PDE8B: variants seen among roughly 807,000 people sequenced by gnomAD.
PDE8B encodes high affinity cAMP-specific and IBMX-insensitive 3',5'-cyclic phosphodiesterase 8B.
In PDE8B, 26 loss-of-function variants were observed where a neutral mutation model predicts 101.3. That is an observed-to-expected ratio of 0.26 (90% CI 0.19 to 0.36). PDE8B has a LOEUF of 0.36. Among genes scored for constraint, PDE8B ranks in the 10% least tolerant of loss-of-function variants. The probability of loss-of-function intolerance (pLI) is 1.00; values close to 1 mark genes in which losing one functional copy is unlikely to be tolerated. For missense variants in PDE8B, 810 were observed against 1,163.1 expected, an observed-to-expected ratio of 0.70 and a Z score of 4.42; for synonymous variants, 424 against 429.3, an observed-to-expected ratio of 0.99 and a Z score of 0.15.
intron 1 of PDE8B, among the ~76,000 whole-genome samples, chr5:77,293,438 C>A (rs765797904): frequency 3.9e-5 from 6 of 152,174 alleles, no homozygotes; most frequent in Non-Finnish European, 7.4e-5. Flanking sequence ...AGAGACTTAG[C>A]ATTTTTTTAG....
chr5:77,179,509 C>T, the PDE8B span, among the ~76,000 whole-genome samples: 18 of 152,320 alleles, frequency 1.2e-4, no homozygotes, highest in African/African-American at 3.8e-4. Flanking sequence ...CCATTTAAGG[C>T]TGAGGCATTT....
At chr5:77,189,611 A>C in the PDE8B span, among the ~76,000 whole-genome samples, 4 of 152,212 alleles carry the variant, frequency 2.6e-5, no homozygotes, top group African/African-American at 7.2e-5. Context: ...TAGTGGGTGC[A>C]AAGGCCCTGA....
At chr5:77,162,020 G>A in the PDE8B span, among the ~76,000 whole-genome samples, 1 of 150,412 alleles carries the variant, frequency 6.6e-6, no homozygotes, top group Non-Finnish European at 1.5e-5. Flanking sequence ...AATCATGTAT[G>A]TAGTACATTT....
At chr5:77,230,879 TC>T (rs1400780773) in intron 1 of PDE8B, among the ~76,000 whole-genome samples, 2 of 152,198 alleles carry the variant, frequency 1.3e-5, no homozygotes, top group Non-Finnish European at 2.9e-5. Context: ...GTCTCAAGAA[TC>T]TTCAGGCAGC....
At chr5:77,090,418 C>T in the PDE8B span, among the ~76,000 whole-genome samples, 2 of 152,098 alleles carry the variant, frequency 1.3e-5, no homozygotes, top group South Asian at 2.1e-4. Context: ...GAACTACAGG[C>T]GCCCGCCACC....
At chr5:77,284,382 TAA>T (rs1765585939) in intron 1 of PDE8B, among the ~76,000 whole-genome samples, 1 of 152,220 alleles carries the variant, frequency 6.6e-6, no homozygotes, top group Non-Finnish European at 1.5e-5. Flanking sequence ...GTGTCATACC[TAA>T]AAAGTCATTG....
At chr5:77,175,088 C>T in the PDE8B span, among the ~76,000 whole-genome samples, 256 of 152,280 alleles carry the variant, frequency 1.7e-3, 1 homozygote, top group African/African-American at 5.8e-3. Flanking sequence ...CCGCTCCCCA[C>T]ATCCAACCCA....
chr5:77,351,103 G>A lies in PDE8B; in HGVS notation c.1056G>A (p.Gly352=), dbSNP rs551325620. 545 of 1,614,114 alleles carry A rather than the reference G, an allele frequency of 3.4e-4. 8 individuals carry two copies. The South Asian group carries it at 5.8e-3, about 17-fold the overall frequency. The change falls in exon 9 of 22, where the codon GGG becomes GGA. Residue 352 remains glycine, a synonymous_variant. Transcript: ENST00000264917. ...TTTACTATGCCAGACGGAAATCCGGGGACAGCATCCAACAGCACGTGAAGA... is the reference window on the plus strand; with the variant it reads ...TTTACTATGCCAGACGGAAATCCGGAGACAGCATCCAACAGCACGTGAAGA... ...QGVYYARRKS[G]DSIQQHVKIT...
chr5:77,229,679 A>C (rs758308706), intron 1 of PDE8B, among the ~76,000 whole-genome samples: 3 of 152,122 alleles, frequency 2.0e-5, no homozygotes, highest in Non-Finnish European at 4.4e-5. Flanking sequence ...TTTCCTATAG[A>C]TGGACTCATA....
At chr5:77,362,522 C>A (rs1053888010) in intron 10 of PDE8B, among the ~76,000 whole-genome samples, 2 of 152,128 alleles carry the variant, frequency 1.3e-5, no homozygotes, top group African/African-American at 4.8e-5. Flanking sequence ...AACTTATGTT[C>A]GGCTATCTTT....
the PDE8B span, among the ~76,000 whole-genome samples, chr5:77,091,826 T>C: frequency 6.6e-6 from 1 of 152,226 alleles, no homozygotes; most frequent in Non-Finnish European, 1.5e-5. Flanking sequence ...CATTTAACTT[T>C]AAACTGACCA....
chr5:77,093,605 G>A, the PDE8B span, among the ~76,000 whole-genome samples: 1 of 152,132 alleles, frequency 6.6e-6, no homozygotes, highest in African/African-American at 2.4e-5. Flanking sequence ...GATGTCTTTG[G>A]TGTTGGGCAT....
intron 5 of PDE8B, among the ~76,000 whole-genome samples, chr5:77,333,332 G>A (rs566025582): frequency 3.3e-5 from 5 of 152,284 alleles, no homozygotes; most frequent in African/African-American, 9.6e-5. Context: ...GAAGCCATGT[G>A]GTTGAGACAG....
intron 17 of PDE8B, among the ~76,000 whole-genome samples, chr5:77,417,519 A>G (rs1372097303): frequency 3.9e-5 from 6 of 152,226 alleles, no homozygotes; most frequent in Non-Finnish European, 8.8e-5. Context: ...CATCTCTTAT[A>G]TAACAGTAGC....
the PDE8B span, among the ~76,000 whole-genome samples, chr5:77,184,019 G>A: frequency 6.6e-6 from 1 of 151,754 alleles, no homozygotes; most frequent in Non-Finnish European, 1.5e-5. Context: ...CCAGGCTGGA[G>A]GGGAGTAGTG....
the PDE8B span, among the ~76,000 whole-genome samples, chr5:77,158,346 A>G: frequency 6.6e-6 from 1 of 152,226 alleles, no homozygotes; most frequent in South Asian, 2.1e-4. Context: ...GACTGCCAGT[A>G]TAAATAGGGA....
intron 1 of PDE8B, among the ~76,000 whole-genome samples, chr5:77,214,144 C>T (rs1749124701): frequency 6.6e-6 from 1 of 152,178 alleles, no homozygotes; most frequent in African/African-American, 2.4e-5. Context: ...AATTCTTGTT[C>T]AGAAATCCTC....
chr5:77,204,247 A>G, the PDE8B span, among the ~76,000 whole-genome samples: 1 of 151,594 alleles, frequency 6.6e-6, no homozygotes, highest in Admixed American at 6.6e-5. Flanking sequence ...CATCTCTACT[A>G]AAAATATAAA....
At chr5:77,311,158 A>G (rs1161953778) in intron 1 of PDE8B, among the ~76,000 whole-genome samples, 2 of 152,220 alleles carry the variant, frequency 1.3e-5, no homozygotes, top group African/African-American at 4.8e-5. Flanking sequence ...AGAGAAAAAC[A>G]AAATTGGATC....
Sources: gnomAD v4.1 joint callset for allele counts (sites outside exome capture counted in the v4.1 genomes callset) on GRCh38, gnomAD v4.1.1 for gene constraint, MANE v1.5 for transcripts, NCBI Gene and HGNC (gene_info 2026-07-23, HGNC 2026-07-21) for gene names.